Variants in MS4A15 observed in about 807,000 individuals in gnomAD.
MS4A15 encodes membrane spanning 4-domains A15.
MS4A15 carries 22 observed loss-of-function variants against 20.6 expected under a neutral mutation model. The observed-to-expected ratio is 1.07, with a 90% CI of 0.76 to 1.52. The LOEUF is 1.52. Among genes scored for constraint, MS4A15 ranks in the 40% most tolerant of loss-of-function variants. The pLI, the probability that MS4A15 is intolerant of heterozygous loss-of-function variation, is 0.00. For synonymous variants in MS4A15, 129 were observed against 129.3 expected (o/e 1.00, Z 0.02); for missense variants, 312 against 323.0 (o/e 0.97, Z 0.26).
At chr11:60,764,451 G>A (rs1853831391) in intron 2 of MS4A15, among the ~76,000 whole-genome samples, 2 of 152,230 alleles carry the variant, frequency 1.3e-5, no homozygotes, top group African/African-American at 2.4e-5. Flanking sequence ...GAAAGTGATA[G>A]ATGAAAGTCA....
chr11:60,773,945 A>G lies in MS4A15; in HGVS notation c.607A>G (p.Ser203Gly). 6.2e-7 allele frequency: 1 copy of G among 1,611,870 alleles called. No individual in the cohort carries two copies. Among genetic ancestry groups the G allele is most frequent in the Non-Finnish European group, 8.5e-7 (1 of 1,178,186 alleles). ...FGCQAIHAQA[S>G]APVIFLPNAF... The stretch of plus-strand genomic sequence containing the variant: ...GTGCCAAGCCATCCATGCCCAGGCC[A>G]GTGCAGTGAGTACCCCCACCCCCAC... Residue 203 changes from serine (S) to glycine (G), a missense_variant, in exon 6 of 7, where the codon AGT becomes GGT. Physicochemically the swap from Ser to Gly is moderately conservative, Grantham distance 56 (BLOSUM62 0). Coordinates refer to ENST00000405633, the MANE Select transcript of MS4A15 (RefSeq NM_001098835.2).
At chr11:60,773,743 A>G in intron 5 of MS4A15, 94 bp from the exon 6 acceptor site, 1 of 1,068,834 alleles carries the variant, frequency 9.4e-7, no homozygotes, top group Admixed American at 1.7e-5. Context: ...TCTGCTCCCA[A>G]CTAGCCGCAT....
chr11:60,767,447 GGCGGGGCCAGCCACGCTCTCC>G, intron 2 of MS4A15, 65 bp from the exon 3 acceptor site: 2 of 1,383,752 alleles, frequency 1.4e-6, no homozygotes, highest in African/African-American at 1.5e-5. Context: ...GCGGGAGGAG[GGCGGGGCCAGCCACGCTCTCC>G]GCGGGGCCGG....
chr11:60,767,389 A>G, intron 2 of MS4A15, 144 bp from the exon 3 acceptor site: 2 of 1,034,912 alleles, frequency 1.9e-6, no homozygotes, highest in Non-Finnish European at 2.6e-6. Context: ...CTGTAATAAT[A>G]TCGCCTCTAA....
At chr11:60,768,687 C>G (rs563992615) in intron 3 of MS4A15, among the ~76,000 whole-genome samples, 1 of 152,328 alleles carries the variant, frequency 6.6e-6, no homozygotes, top group Admixed American at 6.5e-5. Context: ...GCCCTGCCTA[C>G]CTCATAGTTT....
At chr11:60,771,561 C>T in intron 4 of MS4A15, 2 of 1,528,154 alleles carry the variant, frequency 1.3e-6, no homozygotes, top group Non-Finnish European at 1.8e-6. Context: ...ATACACAAGC[C>T]AGGGTGGAAA....
In MS4A15 at chr11:60,768,433, G is replaced by A. The variant is rs75845034; in HGVS notation, c.348+778G>A. Among the ~76,000 whole-genome samples the A allele has an allele frequency of 3.4e-3, 519 of 152,306 alleles. 3 individuals carry two copies. Among genetic ancestry groups the A allele is most frequent in the Non-Finnish European group, 6.0e-3 (409 of 68,026 alleles). On this transcript the variant is annotated intron_variant, in intron 3 of 6. Transcript: ENST00000405633. ...GCCACTCACCCGTGCCGGAAAACAG[G>A]CAGGTGAGTCCTTGTCACTGCCAAC... is the stretch of plus-strand genomic sequence containing the variant.
Position 60,763,855 on chromosome 11 carries a change from A to T in MS4A15, c.122A>T (p.Gln41Leu), listed in dbSNP as rs751833961. ...ATGTGCCAACCTCCAGGGATTATGC[A>T]GTTTGAGGAGCCACCGCTGGGGGCA... is the stretch of plus-strand genomic sequence containing the variant. Reference protein sequence around the residue: ...TSMCQPPGIMQFEEPPLGAQT... With the variant: ...TSMCQPPGIMLFEEPPLGAQT... Residue 41 changes from glutamine (Q) to leucine (L), a missense_variant, in exon 2 of 7, where the codon CAG becomes CTG. Gln to Leu is a moderately radical substitution (Grantham distance 113). Coordinates refer to ENST00000405633, the MANE Select transcript of MS4A15 (RefSeq NM_001098835.2). 7 of 1,612,836 alleles carry T rather than the reference A, an allele frequency of 4.3e-6. No homozygotes were observed. The South Asian group carries it at 7.7e-5, about 18-fold the overall frequency.
chr11:60,765,799 C>T (rs1853870842), intron 2 of MS4A15, among the ~76,000 whole-genome samples: 1 of 151,660 alleles, frequency 6.6e-6, no homozygotes, highest in African/African-American at 2.4e-5. Context: ...GGCCACACAG[C>T]CACTGACTTG....
In MS4A15 at chr11:60,767,594, G is replaced by A. The variant is rs1446545089; in HGVS notation, c.287G>A (p.Arg96His). 9 of 1,556,994 alleles carry A rather than the reference G, an allele frequency of 5.8e-6. No individual in the cohort carries two copies. The highest frequency in any genetic ancestry group is 7.8e-6 in the Non-Finnish European group (9 of 1,149,686). Residue 96 changes from arginine to histidine, a missense_variant, in exon 3 of 7, where the codon CGC becomes CAC. Transcript: ENST00000405633. ...TTTGGCAGCGTGCTGCTCATGGTTCGCCGCGGCCACGTGGGCATCTTCTTC... is the reference window on the plus strand; with the variant it reads ...TTTGGCAGCGTGCTGCTCATGGTTCACCGCGGCCACGTGGGCATCTTCTTC... ...LGFGSVLLMV[R>H]RGHVGIFFIE...
intron 1 of MS4A15, among the ~76,000 whole-genome samples, chr11:60,757,514 G>A (rs1164941337): frequency 6.6e-6 from 1 of 152,148 alleles, no homozygotes; most frequent in Non-Finnish European, 1.5e-5. Flanking sequence ...AGGCGGGCGG[G>A]GGGTCCTCTC....
At chr11:60,757,586 G>A (rs1853626016) in intron 1 of MS4A15, among the ~76,000 whole-genome samples, 1 of 152,156 alleles carries the variant, frequency 6.6e-6, no homozygotes, top group Admixed American at 6.5e-5. Context: ...TCATGAGGAC[G>A]GACCGGAGCC....
At chr11:60,762,709 A>ACC (rs1853776885) in intron 1 of MS4A15, among the ~76,000 whole-genome samples, 3 of 152,338 alleles carry the variant, frequency 2.0e-5, no homozygotes, top group Admixed American at 6.5e-5. Context: ...GCTTTAAATA[A>ACC]CCAACATACT....
At chr11:60,769,269 C>G (rs1853967696) in intron 3 of MS4A15, among the ~76,000 whole-genome samples, 1 of 152,184 alleles carries the variant, frequency 6.6e-6, no homozygotes. Flanking sequence ...TGTGTTGGAT[C>G]TTCACATCAC....
chr11:60,775,684 A>G lies in MS4A15; in HGVS notation c.692A>G (p.Asp231Gly), dbSNP rs765185631. 1.2e-6 allele frequency: 2 copies of G among 1,613,848 alleles called. No individual in the cohort carries two copies. Among genetic ancestry groups the G allele is most frequent in the Non-Finnish European group, 1.7e-6 (2 of 1,179,874 alleles). ...GCAGCCTCTGCGCCCCCTGCCTATGACAATGTGGCATATGCCCAAGGAGTC... is the reference window on the plus strand; with the variant it reads ...GCAGCCTCTGCGCCCCCTGCCTATGGCAATGTGGCATATGCCCAAGGAGTC... ...SPAASAPPAY[D>G]NVAYAQGVV is the part of the protein sequence containing the mutation. The change falls in exon 7 of 7, where the codon GAC (aspartate) becomes GGC (glycine). Residue 231 changes from aspartate (D) to glycine (G), a missense_variant. Coordinates refer to ENST00000405633, the MANE Select transcript of MS4A15 (RefSeq NM_001098835.2).
rs745556413 is a variant in MS4A15 at position 60,763,874 on chromosome 11, G to T, written c.141G>T (p.Leu47=). ...TTATGCAGTTTGAGGAGCCACCGCT[G>T]GGGGCACAGACACCAAGGGCCACAC... ...PGIMQFEEPP[L]GAQTPRATQP... The change falls in exon 2 of 7, where the codon CTG becomes CTT. Residue 47 remains leucine, a synonymous_variant. Coordinates refer to ENST00000405633, the MANE Select transcript of MS4A15 (RefSeq NM_001098835.2). 17 of 1,612,342 alleles carry T rather than the reference G, an allele frequency of 1.1e-5. No homozygotes were observed. Among genetic ancestry groups the T allele is most frequent in the Non-Finnish European group, 1.4e-5 (16 of 1,179,398 alleles).
intron 1 of MS4A15, among the ~76,000 whole-genome samples, chr11:60,760,204 A>G (rs1157351599): frequency 6.6e-6 from 1 of 152,242 alleles, no homozygotes; most frequent in Non-Finnish European, 1.5e-5. Flanking sequence ...TGGTACACAC[A>G]CAGATGTGGT....
At position 60,773,967 on chromosome 11, in the gene MS4A15, CCA is replaced by C; in HGVS notation, c.612+19_612+20del. 1 of 1,594,948 alleles carries C rather than the reference CCA, an allele frequency of 6.3e-7. No homozygotes were observed. Among genetic ancestry groups the C allele is most frequent in the Non-Finnish European group, 8.6e-7 (1 of 1,163,176 alleles). On this transcript the variant is annotated intron_variant, in intron 6 of 6. Coordinates refer to ENST00000405633, the MANE Select transcript of MS4A15 (RefSeq NM_001098835.2). ...GCCAGTGCAGTGAGTACCCCCACCC[CCA>C]CCCCCACGTCCACTAAACCTGAGCT...
At chr11:60,760,385 TG>T (rs1308609625) in intron 1 of MS4A15, among the ~76,000 whole-genome samples, 2 of 152,254 alleles carry the variant, frequency 1.3e-5, no homozygotes, top group Non-Finnish European at 2.9e-5. Context: ...CCTTAGGACT[TG>T]GTGCCAACCC....
Sources: allele counts gnomAD v4.1 joint callset (sites outside exome capture counted in the v4.1 genomes callset), GRCh38; gene constraint gnomAD v4.1.1; transcripts MANE v1.5; gene names NCBI Gene and HGNC (gene_info 2026-07-23, HGNC 2026-07-21).